Variants in RGP1 observed in about 807,000 individuals in gnomAD.
The protein encoded by RGP1 is RGP1 partner of RAB6A GEF complex.
RGP1 carries 28 observed loss-of-function variants against 44.5 expected under a neutral mutation model. The ratio of observed to expected loss-of-function variants is 0.63; its 90% CI spans 0.47 to 0.86. The LOEUF (loss-of-function observed/expected upper bound fraction) is 0.86. Among genes scored for constraint, RGP1 ranks in the 40% least tolerant of loss-of-function variants. The pLI is 0.00. For missense variants in RGP1, 417 were observed against 490.7 expected (o/e 0.85, Z 1.42); for synonymous variants, 212 against 196.7 (o/e 1.08, Z -0.65).
At chr9:35,770,492 GGAGAGAGA>G in the RGP1 span, among the ~76,000 whole-genome samples, 16,442 of 106,774 alleles carry the variant, frequency 0.15, 1,109 homozygotes, top group Middle Eastern at 0.2. Context: ...GTATTACCAT[GGAGAGAGA>G]GAGAGAGAGA....
the RGP1 span, among the ~76,000 whole-genome samples, chr9:35,766,354 G>C: frequency 1.3e-5 from 2 of 152,064 alleles, no homozygotes; most frequent in Non-Finnish European, 2.9e-5. Flanking sequence ...TGAGTTTTAA[G>C]AGTTCTTTAT....
At chr9:35,774,892 G>A in the RGP1 span, among the ~76,000 whole-genome samples, 1 of 151,996 alleles carries the variant, frequency 6.6e-6, no homozygotes, top group African/African-American at 2.4e-5. Flanking sequence ...TTTTGGTGGG[G>A]GGGGCTTCAG....
At chr9:35,779,542 T>A in the RGP1 span, among the ~76,000 whole-genome samples, 3 of 152,220 alleles carry the variant, frequency 2.0e-5, no homozygotes, top group Non-Finnish European at 4.4e-5. Flanking sequence ...TATGTGAGTT[T>A]CTGTGATCAA....
At chr9:35,774,416 T>C in the RGP1 span, among the ~76,000 whole-genome samples, 1 of 152,204 alleles carries the variant, frequency 6.6e-6, no homozygotes, top group African/African-American at 2.4e-5. Flanking sequence ...GAAAGGATGT[T>C]GCTGTGTTTT....
At chr9:35,774,496 G>A in the RGP1 span, among the ~76,000 whole-genome samples, 1 of 152,250 alleles carries the variant, frequency 6.6e-6, no homozygotes, top group Non-Finnish European at 1.5e-5. Flanking sequence ...GGGAGGCTGA[G>A]GCGGGTGGAT....
At position 35,752,844 on chromosome 9, in the gene RGP1, A is replaced by G. The variant is rs768943301; in HGVS notation, c.1146A>G (p.Pro382=). 1 of 1,613,710 alleles carries G rather than the reference A, an allele frequency of 6.2e-7. No homozygotes were observed. Among genetic ancestry groups the G allele is most frequent in the Non-Finnish European group, 8.5e-7 (1 of 1,179,808 alleles). Reference sequence around the variant, plus strand: ...CCACCCTGGCCTCATATGCTGCCCCAGGCCCCAGCACCAGCACCATAACCA... The same window carrying G: ...CCACCCTGGCCTCATATGCTGCCCCGGGCCCCAGCACCAGCACCATAACCA... ...TSPTLASYAA[P]GPSTSTITI Residue 382 remains proline, a synonymous_variant, in exon 9 of 9, where the codon CCA becomes CCG. Transcript: ENST00000378078.
the RGP1 span, among the ~76,000 whole-genome samples, chr9:35,780,849 C>T: frequency 5.9e-5 from 9 of 152,044 alleles, no homozygotes; most frequent in East Asian, 3.9e-4. Flanking sequence ...GCCAAGATGG[C>T]GCCACTGCAC....
chr9:35,765,944 C>T, the RGP1 span, among the ~76,000 whole-genome samples: 1 of 151,048 alleles, frequency 6.6e-6, no homozygotes, highest in South Asian at 2.1e-4. Context: ...ACGCCATTCT[C>T]CTGCCTCAGC....
At position 35,753,706 on chromosome 9, in the gene RGP1, AAC is replaced by A; in HGVS notation, c.*834_*835del. ...ACAGGATGCAGACAGGTGCAATGGA[AAC>A]AGTCCTTGCGGAGCCAAGACTCACC... On this transcript the variant is annotated 3_prime_UTR_variant, in exon 9 of 9. Transcript: ENST00000378078. The surrounding 1 kb of genome is among the most constrained non-coding windows in gnomAD (Gnocchi z 4.2). 6.2e-7 allele frequency: 1 copy of A among 1,614,130 alleles called. No individual in the cohort carries two copies. Among genetic ancestry groups the A allele is most frequent in the Non-Finnish European group, 8.5e-7 (1 of 1,180,024 alleles).
Position 35,749,926 on chromosome 9 carries a change from T to C in RGP1, c.116+55T>C, listed in dbSNP as rs1827206989. 1 of 1,350,556 alleles carries C rather than the reference T, an allele frequency of 7.4e-7. No individual in the cohort carries two copies. The highest frequency in any genetic ancestry group is 1.5e-5 in the African/African-American group (1 of 68,578). The allele number at this position is 1,350,556 out of a possible 1,614,324, so 83.7% of individuals were successfully genotyped here. A position where few individuals can be genotyped will look rare whatever the true frequency, so the allele number is the denominator to read the frequency against. On this transcript the variant is annotated intron_variant, in intron 2 of 8. Coordinates refer to ENST00000378078, the MANE Select transcript of RGP1 (RefSeq NM_001080496.3). This position sits in a 1 kb window ranked among gnomAD's most constrained non-coding sequence, Gnocchi z 4.4. ...CCTTCTGGGAAGAAGCCAGATTATC[T>C]CTGGGGCTGAGGCAGAGCTCAGGTT...
chr9:35,750,625 G>A (rs749824752), intron 3 of RGP1, 33 bp from the exon 4 acceptor site: 72 of 1,603,770 alleles, frequency 4.5e-5, no homozygotes, highest in Middle Eastern at 1.6e-4. Context: ...CTGGACAATG[G>A]GTCATTAAAT....
chr9:35,750,370 C>T lies in RGP1; in HGVS notation c.244C>T (p.Pro82Ser), dbSNP rs1448614273. Residue 82 changes from proline to serine, a missense_variant, in exon 3 of 9, where the codon CCA becomes TCA. Transcript: ENST00000378078. The part of the protein sequence containing the change: ...VQPDSQTVFL[P>S]HRGERGQCIL... Reference sequence around the variant, plus strand: ...GCCCGACAGCCAGACTGTCTTTCTGCCACACCGAGGTTAGAGAGGGGCATT... The same window carrying T: ...GCCCGACAGCCAGACTGTCTTTCTGTCACACCGAGGTTAGAGAGGGGCATT... 4 of 1,613,872 alleles carry T rather than the reference C, an allele frequency of 2.5e-6. No homozygotes were observed. The highest frequency in any genetic ancestry group is 3.4e-6 in the Non-Finnish European group (4 of 1,179,830).
Position 35,750,997 on chromosome 9 carries a change from A to G in RGP1, c.487+8A>G, listed in dbSNP as rs1227138244. ...GGGTTCTTGTGCTGACTGGTAAGCAAGGGCTCCTGGAGGGAAGGGCTGGGG... is the reference window on the plus strand; with the variant it reads ...GGGTTCTTGTGCTGACTGGTAAGCAGGGGCTCCTGGAGGGAAGGGCTGGGG... On this transcript the variant is annotated splice_region_variant and intron_variant, in intron 5 of 8. Transcript: ENST00000378078. The G allele has an allele frequency of 1.1e-5, 18 of 1,613,180 alleles. No homozygotes were observed. Among genetic ancestry groups the G allele is most frequent in the African/African-American group, 1.3e-5 (1 of 74,926 alleles).
In RGP1 at chr9:35,753,732, C is replaced by G; in HGVS notation, c.*858C>G. 6.2e-7 allele frequency: 1 copy of G among 1,614,134 alleles called. No individual in the cohort carries two copies. Among genetic ancestry groups the G allele is most frequent in the Non-Finnish European group, 8.5e-7 (1 of 1,180,030 alleles). ...ACAGTCCTTGCGGAGCCAAGACTCA[C>G]CCAGGGTAAAATATTTCCCCTCATA... On this transcript the variant is annotated 3_prime_UTR_variant, in exon 9 of 9. Transcript: ENST00000378078. This position sits in a 1 kb window ranked among gnomAD's most constrained non-coding sequence, Gnocchi z 4.2.
rs1827308799 is a variant in RGP1, at chr9:35,753,587, T to C, written c.*713T>C. 1 of 1,272,048 alleles carries C rather than the reference T, an allele frequency of 7.9e-7. No homozygotes were observed. Among genetic ancestry groups the C allele is most frequent in the African/African-American group, 1.5e-5 (1 of 67,504 alleles). The allele number at this position is 1,272,048 out of a possible 1,614,324, so 78.8% of individuals were successfully genotyped here. A position where few individuals can be genotyped will look rare whatever the true frequency, so the allele number is the denominator to read the frequency against. ...TCTGTTCATTCTTACATCACAGCAATCTAGTCACTCCCTGGTCATCCCTCA... is the reference window on the plus strand; with the variant it reads ...TCTGTTCATTCTTACATCACAGCAACCTAGTCACTCCCTGGTCATCCCTCA... On this transcript the variant is annotated 3_prime_UTR_variant, in exon 9 of 9. Transcript: ENST00000378078. The surrounding 1 kb of genome is among the most constrained non-coding windows in gnomAD (Gnocchi z 4.2).
the RGP1 span, among the ~76,000 whole-genome samples, chr9:35,774,306 A>G: frequency 6.6e-6 from 1 of 152,234 alleles, no homozygotes; most frequent in African/African-American, 2.4e-5. Flanking sequence ...AGCTCTGGTC[A>G]GGGCAGGCTG....
the RGP1 span, among the ~76,000 whole-genome samples, chr9:35,776,246 T>C: frequency 1.3e-5 from 2 of 152,242 alleles, no homozygotes; most frequent in East Asian, 1.9e-4. Flanking sequence ...TGCAGTCATA[T>C]AGATCATGCC....
At chr9:35,769,985 C>T in the RGP1 span, among the ~76,000 whole-genome samples, 1 of 152,182 alleles carries the variant, frequency 6.6e-6, no homozygotes, top group Non-Finnish European at 1.5e-5. Flanking sequence ...GGGACTGCTT[C>T]AGTTTCTCCG....
At position 35,753,843 on chromosome 9, in the gene RGP1, A is replaced by G. The variant is rs888514452; in HGVS notation, c.*969A>G. On this transcript the variant is annotated 3_prime_UTR_variant, in exon 9 of 9. Transcript: ENST00000378078. The surrounding 1 kb of genome is among the most constrained non-coding windows in gnomAD (Gnocchi z 4.2). The stretch of plus-strand genomic sequence containing the variant: ...CAGAGGCTCTTCTGGTCTGGGGTGG[A>G]GACAGTAAGTACGCACTATCCCCGT... 2.2e-5 allele frequency: 34 copies of G among 1,533,934 alleles called. No individual in the cohort carries two copies. In the African/African-American group the frequency reaches 4.4e-4, roughly 20 times the overall value.
Sources: gnomAD v4.1 joint callset for allele counts (sites outside exome capture counted in the v4.1 genomes callset) on GRCh38, gnomAD v4.1.1 for gene constraint, Gnocchi (gnomAD v3.1) non-coding constraint, MANE v1.5 for transcripts, NCBI Gene and HGNC (gene_info 2026-07-23, HGNC 2026-07-21) for gene names.